The following PRKN variants were observed in gnomAD, a reference collection of about 807,000 sequenced individuals.
The protein encoded by PRKN is E3 ubiquitin-protein ligase parkin.
A neutral mutation model predicts 59.5 loss-of-function variants in PRKN; 56 were observed. The ratio of observed to expected loss-of-function variants is 0.94; its 90% CI spans 0.76 to 1.18. PRKN has a LOEUF of 1.18. Ranked by LOEUF, PRKN falls within the 50% of genes most tolerant of loss-of-function variation. The probability of loss-of-function intolerance (pLI) is 0.00; values close to 1 mark genes in which losing one functional copy is unlikely to be tolerated. For missense variants in PRKN, 657 were observed against 596.4 expected (o/e 1.10, Z -1.06); for synonymous variants, 250 against 222.1 (o/e 1.13, Z -1.12).
chr6:162,006,792 A>G (rs985101523), intron 5 of PRKN, among the ~76,000 whole-genome samples: 1 of 152,066 alleles, frequency 6.6e-6, no homozygotes, highest in South Asian at 2.1e-4. Context: ...TCCCATACTG[A>G]TCTCCATCAT....
rs1309271592 is a variant in PRKN, at chr6:161,457,243, G to GTC, written c.1084-70368_1084-70367dup. On this transcript the variant is annotated intron_variant, in intron 9 of 11. Coordinates refer to ENST00000366898, the MANE Select transcript of PRKN (RefSeq NM_004562.3). This position sits in a 1 kb window ranked among gnomAD's most constrained non-coding sequence, Gnocchi z 5.0. ...ATTCCATTACTTTTCCTACACATGT[G>GTC]TCTCTGTTAAGCACTTTGCAAGGAG... Among the ~76,000 whole-genome samples, 1 of 152,156 alleles carries GTC rather than the reference G, an allele frequency of 6.6e-6. No individual in the cohort carries two copies. Among genetic ancestry groups the GTC allele is most frequent in the African/African-American group, 2.4e-5 (1 of 41,438 alleles).
In PRKN at chr6:161,518,126, G is replaced by A. The variant is rs533267464; in HGVS notation, c.1083+30728C>T. On this transcript the variant is annotated intron_variant, in intron 9 of 11. Transcript: ENST00000366898. This position sits in a 1 kb window ranked among gnomAD's most constrained non-coding sequence, Gnocchi z 5.0. ...TACCTTAGATGAAGGCCACTGGCCTGGGGATGGGGCCGGGGGCACTCACTG... is the reference window on the plus strand; with the variant it reads ...TACCTTAGATGAAGGCCACTGGCCTAGGGATGGGGCCGGGGGCACTCACTG... Among the ~76,000 whole-genome samples the A allele has an allele frequency of 6.6e-6, 1 of 152,312 alleles. No homozygotes were observed. Among genetic ancestry groups the A allele is most frequent in the East Asian group, 1.9e-4 (1 of 5,174 alleles).
At chr6:162,184,922 T>C (rs1309043471) in intron 4 of PRKN, among the ~76,000 whole-genome samples, 1 of 152,140 alleles carries the variant, frequency 6.6e-6, no homozygotes, top group African/African-American at 2.4e-5. Context: ...AAATGAAGCA[T>C]TTATTTCAAA....
intron 6 of PRKN, among the ~76,000 whole-genome samples, chr6:161,821,650 T>A (rs1792028435): frequency 6.7e-6 from 1 of 149,650 alleles, no homozygotes; most frequent in South Asian, 2.1e-4. Flanking sequence ...GGAGAGAACT[T>A]ACATCCCTAC....
At chr6:161,702,179 A>G (rs1451555773) in intron 7 of PRKN, among the ~76,000 whole-genome samples, 1 of 152,198 alleles carries the variant, frequency 6.6e-6, no homozygotes, top group African/African-American at 2.4e-5. Flanking sequence ...ATTAGGTTCT[A>G]TAATAGTAAA....
At chr6:162,658,236 A>ATATGATG (rs1312793986) in intron 1 of PRKN, among the ~76,000 whole-genome samples, 2 of 152,158 alleles carry the variant, frequency 1.3e-5, no homozygotes, top group Non-Finnish European at 2.9e-5. Context: ...TATCTATTCA[A>ATATGATG]CTTTCTTTCT....
At chr6:161,889,844 T>C (rs890366573) in intron 6 of PRKN, among the ~76,000 whole-genome samples, 2 of 152,210 alleles carry the variant, frequency 1.3e-5, no homozygotes, top group Admixed American at 1.3e-4. Flanking sequence ...CTAATGAAAA[T>C]GACAGCTTCC....
rs181442171 is a variant in PRKN at position 161,550,705 on chromosome 6, T to G, written c.934-1702A>C. ...GGAGGCGGGTAGGGGTGGGGACAAC[T>G]GTGGTAGAAGAAAGGGTATGTGTGT... On this transcript the variant is annotated intron_variant, in intron 8 of 11. Coordinates refer to ENST00000366898, the MANE Select transcript of PRKN (RefSeq NM_004562.3). This position sits in a 1 kb window ranked among gnomAD's most constrained non-coding sequence, Gnocchi z 4.0. 9.4e-5 allele frequency among the ~76,000 whole-genome samples: 14 copies of G among 149,068 alleles called. No individual in the cohort carries two copies. In the East Asian group the frequency reaches 2.7e-3, roughly 29 times the overall value.
At chr6:162,487,328 G>T (rs538221884) in intron 1 of PRKN, among the ~76,000 whole-genome samples, 51 of 152,222 alleles carry the variant, frequency 3.4e-4, no homozygotes, top group African/African-American at 1.2e-3. Context: ...TTTGTATAGA[G>T]ATAGAAACAC....
chr6:161,865,543 T>C (rs940196371), intron 6 of PRKN, among the ~76,000 whole-genome samples: 1 of 152,204 alleles, frequency 6.6e-6, no homozygotes, highest in Non-Finnish European at 1.5e-5. Flanking sequence ...ACATCAAACA[T>C]TTAAGCTAGA....
rs377173426 is a variant in PRKN, at chr6:161,551,592, T to C, written c.934-2589A>G. Among the ~76,000 whole-genome samples the C allele has an allele frequency of 1.1e-4, 16 of 152,164 alleles. No homozygotes were observed. The highest frequency in any genetic ancestry group is 1.0e-3 in the South Asian group (5 of 4,812). On this transcript the variant is annotated intron_variant, in intron 8 of 11. Coordinates refer to ENST00000366898, the MANE Select transcript of PRKN (RefSeq NM_004562.3). This position sits in a 1 kb window ranked among gnomAD's most constrained non-coding sequence, Gnocchi z 5.2. ...GTTGGAGCTGGGTGTGTGGCTGCCA[T>C]TGCGGTCTTGAAAAGTCATTTCAGT...
chr6:161,746,776 TC>T (rs1788446703), intron 7 of PRKN, among the ~76,000 whole-genome samples: 1 of 145,174 alleles, frequency 6.9e-6, no homozygotes, highest in South Asian at 2.1e-4. Context: ...GATATATATG[TC>T]TATATCTAGA....
intron 5 of PRKN, among the ~76,000 whole-genome samples, chr6:162,043,544 T>C (rs1458165104): frequency 6.6e-6 from 1 of 152,212 alleles, no homozygotes; most frequent in Non-Finnish European, 1.5e-5. Context: ...GCCATGGACA[T>C]AGAAGGAGAA....
At chr6:162,228,360 C>T (rs550394453) in intron 3 of PRKN, among the ~76,000 whole-genome samples, 4 of 152,164 alleles carry the variant, frequency 2.6e-5, no homozygotes, top group Non-Finnish European at 4.4e-5. Flanking sequence ...AGTGGGTCCC[C>T]GATGTTACAG....
intron 4 of PRKN, among the ~76,000 whole-genome samples, chr6:162,156,292 G>T (rs2128315122): frequency 6.6e-6 from 1 of 152,256 alleles, no homozygotes; most frequent in Non-Finnish European, 1.5e-5. Context: ...GAACTAATAG[G>T]ATTGATGTAT....
chr6:162,058,910 C>T (rs1201774138), intron 4 of PRKN, among the ~76,000 whole-genome samples: 1 of 149,122 alleles, frequency 6.7e-6, no homozygotes, highest in Admixed American at 6.7e-5. Context: ...CGAGATCACA[C>T]CACTGCACTC....
intron 2 of PRKN, among the ~76,000 whole-genome samples, chr6:162,394,527 C>T (rs1434203255): frequency 6.6e-6 from 1 of 152,048 alleles, no homozygotes; most frequent in Non-Finnish European, 1.5e-5. Context: ...TTTTCCTTAT[C>T]AAGGTAATAT....
Position 161,397,984 on chromosome 6 carries a change from A to G in PRKN, c.1084-11107T>C. On this transcript the variant is annotated intron_variant, in intron 9 of 11. Coordinates refer to ENST00000366898, the MANE Select transcript of PRKN (RefSeq NM_004562.3). The surrounding 1 kb of genome is among the most constrained non-coding windows in gnomAD (Gnocchi z 4.2). ...AGTTTGAAAACAGCAAAAGATGATG[A>G]AAAGAGAGAGAATGAAGACGCTAGC... is the stretch of plus-strand genomic sequence containing the variant. 6.6e-6 allele frequency among the ~76,000 whole-genome samples: 1 copy of G among 152,164 alleles called. No homozygotes were observed. The highest frequency in any genetic ancestry group is 1.9e-4 in the East Asian group (1 of 5,198).
intron 3 of PRKN, among the ~76,000 whole-genome samples, chr6:162,257,629 C>T (rs1488408084): frequency 6.6e-6 from 1 of 152,058 alleles, no homozygotes; most frequent in Admixed American, 6.6e-5. Flanking sequence ...TGAACATGGT[C>T]TACCTTACAA....
Sources: allele counts gnomAD v4.1 joint callset (sites outside exome capture counted in the v4.1 genomes callset), GRCh38; gene constraint gnomAD v4.1.1; non-coding constraint Gnocchi (gnomAD v3.1); transcripts MANE v1.5; gene names NCBI Gene and HGNC (gene_info 2026-07-23, HGNC 2026-07-21).